Variants in KMT2C observed in about 807,000 individuals in gnomAD.
KMT2C encodes the protein histone-lysine N-methyltransferase 2C.
KMT2C carries 88 observed loss-of-function variants against 507.9 expected under a neutral mutation model. The observed-to-expected ratio is 0.17, with a 90% CI of 0.15 to 0.21. The LOEUF is 0.21. Ranked by LOEUF, KMT2C falls within the 10% of genes least tolerant of loss-of-function variation. KMT2C has a pLI of 1.00. For missense variants in KMT2C, 4,954 were observed against 5,957.8 expected (o/e 0.83, Z 5.55); for synonymous variants, 2,049 against 2,080.8 (o/e 0.98, Z 0.42).
chr7:152,331,993 C>A (rs1166101406), intron 2 of KMT2C, among the ~76,000 whole-genome samples: 2 of 152,044 alleles, frequency 1.3e-5, no homozygotes, highest in African/African-American at 4.8e-5. Flanking sequence ...GTCTACAGAA[C>A]AAATGTATTT....
chr7:152,218,579 G>C (rs537808751), intron 23 of KMT2C, among the ~76,000 whole-genome samples: 1 of 152,246 alleles, frequency 6.6e-6, no homozygotes, highest in East Asian at 1.9e-4. Flanking sequence ...TATATCATAG[G>C]AGAGTGTTCC....
rs1474696923 is a variant in KMT2C at position 152,240,334 on chromosome 7, G to A, written c.2533-1508C>T. Among the ~76,000 whole-genome samples the A allele has an allele frequency of 3.9e-5, 6 of 152,324 alleles. No homozygotes were observed. In the East Asian group the frequency reaches 1.2e-3, roughly 29 times the overall value. ...CTCCTGACATCTGGCATACTGTTCT[G>A]CTGGATTTGGCAGCAGTCCACCTGT... On this transcript the variant is annotated intron_variant, in intron 14 of 58. Transcript: ENST00000262189.
At position 152,238,216 on chromosome 7, in the gene KMT2C, C is replaced by A. The variant is rs2095320325; in HGVS notation, c.2652+491G>T. Among the ~76,000 whole-genome samples the A allele has an allele frequency of 2.0e-5, 3 of 152,388 alleles. No homozygotes were observed. In the South Asian group the frequency reaches 6.2e-4, roughly 32 times the overall value. On this transcript the variant is annotated intron_variant, in intron 15 of 58. Coordinates refer to ENST00000262189, the MANE Select transcript of KMT2C (RefSeq NM_170606.3). ...TTTTTCAAATTAATTTTTTTCTCTTCAAAATGCATCACACTACTTAACTCA... is the reference window on the plus strand; with the variant it reads ...TTTTTCAAATTAATTTTTTTCTCTTAAAAATGCATCACACTACTTAACTCA...
At chr7:152,356,897 GAATAATAAT>G (rs55935930) in intron 2 of KMT2C, among the ~76,000 whole-genome samples, 2,283 of 138,282 alleles carry the variant, frequency 0.017, 76 homozygotes, top group African/African-American at 0.057. Context: ...AACTCAAAAA[GAATAATAAT>G]AATAATAATA....
At chr7:152,269,727 A>G (rs1204191123) in intron 7 of KMT2C, among the ~76,000 whole-genome samples, 1 of 152,212 alleles carries the variant, frequency 6.6e-6, no homozygotes, top group Non-Finnish European at 1.5e-5. Flanking sequence ...TGAGTATTTG[A>G]GTATACACAA....
intron 1 of KMT2C, among the ~76,000 whole-genome samples, chr7:152,388,563 C>T (rs2097456026): frequency 6.6e-6 from 1 of 152,304 alleles, no homozygotes; most frequent in Non-Finnish European, 1.5e-5. Context: ...CTCAAAAAAA[C>T]AGAAACAAAC....
At chr7:152,318,613 CA>C (rs2096743198) in intron 3 of KMT2C, among the ~76,000 whole-genome samples, 1 of 105,412 alleles carries the variant, frequency 9.5e-6, no homozygotes, top group African/African-American at 3.8e-5. Context: ...GGCAACAGAG[CA>C]AGACTCCATC....
intron 2 of KMT2C, among the ~76,000 whole-genome samples, chr7:152,358,048 C>G (rs1358090717): frequency 6.6e-6 from 1 of 152,128 alleles, no homozygotes; most frequent in Non-Finnish European, 1.5e-5. Flanking sequence ...TACCACTGAC[C>G]TGAAAATTTT....
intron 1 of KMT2C, 132 bp downstream of exon 1, chr7:152,435,494 C>T (rs2097909683): frequency 1.2e-5 from 3 of 249,194 alleles, no homozygotes; most frequent in Admixed American, 1.4e-4. Flanking sequence ...GCCGCCACCG[C>T]CCGCGGGCCC....
chr7:152,257,081 T>C (rs556984749), intron 9 of KMT2C, among the ~76,000 whole-genome samples: 25 of 152,306 alleles, frequency 1.6e-4, no homozygotes, highest in Admixed American at 1.6e-3. Context: ...TCATTTATAA[T>C]GCAAAATATC....
At chr7:152,310,210 A>G in intron 5 of KMT2C, 135 bp from the exon 6 acceptor site, 1 of 613,638 alleles carries the variant, frequency 1.6e-6, no homozygotes, top group Non-Finnish European at 2.9e-6. Context: ...TGATAGCAGT[A>G]AAGTGGCCCT....
intron 23 of KMT2C, among the ~76,000 whole-genome samples, chr7:152,217,994 T>C (rs1261103548): frequency 6.6e-6 from 1 of 152,170 alleles, no homozygotes; most frequent in African/African-American, 2.4e-5. Flanking sequence ...TCCTCCTAAG[T>C]ATATGGACTA....
chr7:152,148,517 G>A lies in KMT2C; in HGVS notation c.13410C>T (p.Ala4470=), dbSNP rs2129095375. 3 of 1,614,230 alleles carry A rather than the reference G, an allele frequency of 1.9e-6. No individual in the cohort carries two copies. Among genetic ancestry groups the A allele is most frequent in the Non-Finnish European group, 2.5e-6 (3 of 1,180,048 alleles). ...MKCVFCHKTG[A]TSGCHRFRCT... The stretch of plus-strand genomic sequence containing the variant: ...ATCGAAATCTGTGGCATCCACTAGT[G>A]GCACCCGTCTTGTGACAGAAGACAC... Residue 4470 remains alanine, a synonymous_variant, in exon 52 of 59, where the codon GCC becomes GCT. Transcript: ENST00000262189. The surrounding 1 kb of genome is among the most constrained non-coding windows in gnomAD (Gnocchi z 7.1).
chr7:152,414,077 T>G (rs1156230901), intron 1 of KMT2C, among the ~76,000 whole-genome samples: 6 of 137,126 alleles, frequency 4.4e-5, no homozygotes, highest in East Asian at 2.3e-4. Context: ...GGGCGTGGTG[T>G]CGCACGCCTG....
intron 3 of KMT2C, among the ~76,000 whole-genome samples, chr7:152,324,167 G>A (rs1265313864): frequency 1.3e-5 from 2 of 151,574 alleles, no homozygotes; most frequent in Non-Finnish European, 2.9e-5. Context: ...CAAAGGATAC[G>A]AAGGTTGAGA....
At chr7:152,174,013 A>G (rs932539806) in intron 39 of KMT2C, 118 bp downstream of exon 39, 6 of 560,118 alleles carry the variant, frequency 1.1e-5, no homozygotes, top group African/African-American at 2.0e-5. Context: ...GACAACTTAA[A>G]TAGTGTTGTT....
At chr7:152,282,087 T>A (rs1248118103) in intron 6 of KMT2C, among the ~76,000 whole-genome samples, 3 of 152,046 alleles carry the variant, frequency 2.0e-5, no homozygotes, top group Admixed American at 6.5e-5. Flanking sequence ...AGACCAGGAG[T>A]TCGAGACCAA....
At chr7:152,187,984 T>C (rs534744171) in intron 31 of KMT2C, 137 bp from the exon 32 acceptor site, 57 of 811,096 alleles carry the variant, frequency 7.0e-5, no homozygotes, top group Non-Finnish European at 9.5e-5. Flanking sequence ...TGAATGTGGA[T>C]AGAAAACACA....
intron 1 of KMT2C, among the ~76,000 whole-genome samples, chr7:152,426,005 C>A (rs1236323192): frequency 6.6e-6 from 1 of 151,990 alleles, no homozygotes; most frequent in Admixed American, 6.6e-5. Context: ...AAAGTTTGAG[C>A]AATAAAAAAC....
Sources: gnomAD v4.1 joint callset for allele counts (sites outside exome capture counted in the v4.1 genomes callset) on GRCh38, gnomAD v4.1.1 for gene constraint, Gnocchi (gnomAD v3.1) non-coding constraint, MANE v1.5 for transcripts, NCBI Gene and HGNC (gene_info 2026-07-23, HGNC 2026-07-21) for gene names.